Variants in GABPB1 observed in about 807,000 individuals in gnomAD.
GABPB1 encodes GA-binding protein subunit beta-1.
GABPB1 carries 15 observed loss-of-function variants against 45.9 expected under a neutral mutation model. The ratio of observed to expected loss-of-function variants is 0.33; its 90% CI spans 0.22 to 0.50. The LOEUF (loss-of-function observed/expected upper bound fraction) is 0.50. GABPB1 is among the 20% of genes least tolerant of loss of function. The probability of loss-of-function intolerance (pLI) is 0.98; values close to 1 mark genes in which losing one functional copy is unlikely to be tolerated. For synonymous variants in GABPB1, 143 were observed against 154.4 expected (o/e 0.93, Z 0.55); for missense variants, 252 against 457.5 (o/e 0.55, Z 4.10).
At chr15:50,336,258 C>T (rs1283979890) in intron 1 of GABPB1, among the ~76,000 whole-genome samples, 3 of 147,570 alleles carry the variant, frequency 2.0e-5, no homozygotes, top group Non-Finnish European at 4.5e-5. Context: ...GAGGCTGAGG[C>T]AGGGAGAACT....
chr15:50,341,336 G>A (rs986966502), intron 1 of GABPB1, among the ~76,000 whole-genome samples: 1 of 151,894 alleles, frequency 6.6e-6, no homozygotes, highest in Admixed American at 6.6e-5. Flanking sequence ...AGTTCGAGAC[G>A]AGCCTGACCA....
rs557273145 is a variant in GABPB1, at chr15:50,339,555, C to T, written c.-1+15430G>A. ...GTTAATAAATAAAATTCTTACTTTCCACCTAAGCTATATATTTATCAGATA... is the reference window on the plus strand; with the variant it reads ...GTTAATAAATAAAATTCTTACTTTCTACCTAAGCTATATATTTATCAGATA... On this transcript the variant is annotated intron_variant, in intron 1 of 8. Transcript: ENST00000380877. 4.6e-5 allele frequency among the ~76,000 whole-genome samples: 7 copies of T among 151,792 alleles called. 1 individual carries two copies. In the South Asian group the frequency reaches 1.2e-3, roughly 27 times the overall value.
At chr15:50,297,510 G>A (rs560999195) in intron 6 of GABPB1, among the ~76,000 whole-genome samples, 103 of 152,176 alleles carry the variant, frequency 6.8e-4, no homozygotes, top group African/African-American at 2.3e-3. Flanking sequence ...CTGCGCTCCC[G>A]GCACTTCTTT....
At position 50,302,679 on chromosome 15, in the gene GABPB1, G is replaced by A. The variant is rs982868733; in HGVS notation, c.471+250C>T. 2.2e-4 allele frequency among the ~76,000 whole-genome samples: 29 copies of A among 134,548 alleles called. No individual in the cohort carries two copies. The Admixed American group carries it at 2.2e-3, about 10-fold the overall frequency. The allele number at this position is 134,548 out of a possible 152,430, so 88.3% of individuals were successfully genotyped here. A position where few individuals can be genotyped will look rare whatever the true frequency, so the allele number is the denominator to read the frequency against. On this transcript the variant is annotated intron_variant, in intron 4 of 8. Coordinates refer to ENST00000380877, the MANE Select transcript of GABPB1 (RefSeq NM_016654.5). ...AAAAAAAAAAAAAAAAGGTCTAAAG[G>A]GAAATTCAGAAACTTAAAAAACAGA... is the stretch of plus-strand genomic sequence containing the variant.
At chr15:50,285,258 T>C (rs2046115167) in intron 8 of GABPB1, among the ~76,000 whole-genome samples, 1 of 152,184 alleles carries the variant, frequency 6.6e-6, no homozygotes, top group Admixed American at 6.5e-5. Flanking sequence ...TTATTATTAT[T>C]CTAAATTCCA....
chr15:50,317,089 A>G (rs573297532), intron 1 of GABPB1, among the ~76,000 whole-genome samples: 2 of 152,224 alleles, frequency 1.3e-5, no homozygotes, highest in South Asian at 4.1e-4. Flanking sequence ...TATATATACC[A>G]TGATCTTAAT....
intron 1 of GABPB1, among the ~76,000 whole-genome samples, chr15:50,311,461 A>G (rs1378911944): frequency 6.6e-6 from 1 of 152,196 alleles, no homozygotes; most frequent in African/African-American, 2.4e-5. Flanking sequence ...TGATTAGTGT[A>G]TCTCTACCTG....
intron 1 of GABPB1, chr15:50,353,578 G>GAAAA (rs146678521): frequency 6.9e-6 from 1 of 144,842 alleles, no homozygotes. Flanking sequence ...TTTGTTTTTG[G>GAAAA]AAAAAAAAAA....
At position 50,313,325 on chromosome 15, in the gene GABPB1, T is replaced by A. The variant is rs544060090; in HGVS notation, c.1-3527A>T. Among the ~76,000 whole-genome samples, 141 of 152,254 alleles carry A rather than the reference T, an allele frequency of 9.3e-4. 1 individual carries two copies. The highest frequency in any genetic ancestry group is 3.9e-4 in the Admixed American group (6 of 15,292). ...ATAAAGTAAATAATTTTAAAGTAAT[T>A]CCTGATGCAGCCAAGAATTAAGTGA... On this transcript the variant is annotated intron_variant, in intron 1 of 8. Transcript: ENST00000380877.
intron 6 of GABPB1, among the ~76,000 whole-genome samples, chr15:50,291,437 G>T (rs1294033494): frequency 6.6e-6 from 1 of 151,168 alleles, no homozygotes; most frequent in East Asian, 1.9e-4. Context: ...TTCTGCCTCA[G>T]CCTCCCAAGT....
chr15:50,354,695 A>G (rs1280127367), intron 1 of GABPB1: 1 of 373,700 alleles, frequency 2.7e-6, no homozygotes, highest in Non-Finnish European at 5.2e-6. Flanking sequence ...CGGCCGCGGC[A>G]TGCTAGGGCC....
At chr15:50,301,648 C>G (rs2046751292) in intron 4 of GABPB1, among the ~76,000 whole-genome samples, 1 of 152,144 alleles carries the variant, frequency 6.6e-6, no homozygotes, top group Non-Finnish European at 1.5e-5. Flanking sequence ...GGACATTAAG[C>G]TGGCTGAGGT....
rs2046187749 is a variant in GABPB1, at chr15:50,287,070, G to A, written c.884-887C>T. On this transcript the variant is annotated intron_variant, in intron 7 of 8. Transcript: ENST00000380877. ...TAATTTAAAACATTAGAAATATTGA[G>A]AATTTGGGTTTTACTTCTTTTTTAT... Among the ~76,000 whole-genome samples the A allele has an allele frequency of 2.0e-5, 3 of 152,210 alleles. No individual in the cohort carries two copies. In the South Asian group the frequency reaches 6.2e-4, roughly 32 times the overall value.
Position 50,275,752 on chromosome 15 carries a change from A to G in GABPB1, c.*2880T>C, listed in dbSNP as rs2045831433. On this transcript the variant is annotated 3_prime_UTR_variant, in exon 9 of 9. Coordinates refer to ENST00000380877, the MANE Select transcript of GABPB1 (RefSeq NM_016654.5). The stretch of plus-strand genomic sequence containing the variant: ...TAATTCCTAAAAGCCAACGAAAACA[A>G]ATGACATCACAAGTCCTTTTGTGAA... The G allele has an allele frequency of 6.6e-6, 1 of 152,240 alleles. No homozygotes were observed. The allele number at this position is 152,240 out of a possible 1,614,324, so 9.4% of individuals were successfully genotyped here.
At chr15:50,292,637 T>C (rs570846776) in intron 6 of GABPB1, among the ~76,000 whole-genome samples, 15 of 152,300 alleles carry the variant, frequency 9.8e-5, no homozygotes, top group African/African-American at 3.6e-4. Context: ...TAAATCTGAC[T>C]ATACACGACA....
intron 1 of GABPB1, among the ~76,000 whole-genome samples, chr15:50,319,096 A>G (rs1218499035): frequency 6.6e-6 from 1 of 152,224 alleles, no homozygotes; most frequent in Non-Finnish European, 1.5e-5. Context: ...AATGTGGAAA[A>G]AAATCAAGAA....
At chr15:50,312,243 T>C (rs1376993184) in intron 1 of GABPB1, among the ~76,000 whole-genome samples, 2 of 152,018 alleles carry the variant, frequency 1.3e-5, no homozygotes, top group Non-Finnish European at 2.9e-5. Flanking sequence ...AAATAATCTA[T>C]ATTATATCCT....
chr15:50,306,510 C>T (rs1384303030), intron 2 of GABPB1, among the ~76,000 whole-genome samples: 1 of 151,790 alleles, frequency 6.6e-6, no homozygotes, highest in African/African-American at 2.4e-5. Context: ...GCCTGTTATC[C>T]CAGCTACTTC....
chr15:50,285,241 G>T (rs1285843118), intron 8 of GABPB1, among the ~76,000 whole-genome samples: 6 of 152,102 alleles, frequency 3.9e-5, no homozygotes, highest in Non-Finnish European at 4.4e-5. Flanking sequence ...ACCCGAAAAT[G>T]GAGACATTAT....
Sources: allele counts gnomAD v4.1 joint callset (sites outside exome capture counted in the v4.1 genomes callset), GRCh38; gene constraint gnomAD v4.1.1; transcripts MANE v1.5; gene names NCBI Gene and HGNC (gene_info 2026-07-23, HGNC 2026-07-21).